TTC23: variants seen among roughly 807,000 people sequenced by gnomAD.
TTC23 encodes tetratricopeptide repeat protein 23.
In TTC23, 58 loss-of-function variants were observed where a neutral mutation model predicts 55.1. The observed-to-expected ratio is 1.05, with a 90% CI of 0.85 to 1.31. The LOEUF is 1.31. TTC23 is among the 50% of genes most tolerant of loss of function. The pLI is 0.00. For synonymous variants in TTC23, 203 were observed against 199.9 expected, an observed-to-expected ratio of 1.02 and a Z score of -0.13; for missense variants, 516 against 534.4, an observed-to-expected ratio of 0.97 and a Z score of 0.34.
At chr15:99,248,990 C>T (rs967526348) in intron 1 of TTC23, among the ~76,000 whole-genome samples, 181 bp downstream of exon 1, 1 of 151,966 alleles carries the variant, frequency 6.6e-6, no homozygotes, top group African/African-American at 2.4e-5. Flanking sequence ...TCTCCTATAT[C>T]TTTTAATAGA....
At chr15:99,172,679 C>T (rs1190078462) in intron 10 of TTC23, among the ~76,000 whole-genome samples, 2 of 152,134 alleles carry the variant, frequency 1.3e-5, no homozygotes, top group African/African-American at 2.4e-5. Context: ...CCTATCTCAT[C>T]GAGTTGCAAG....
Position 99,228,522 on chromosome 15 carries a change from A to G in TTC23, c.180+11T>C. 1 of 1,587,994 alleles carries G rather than the reference A, an allele frequency of 6.3e-7. No homozygotes were observed. The highest frequency in any genetic ancestry group is 8.6e-7 in the Non-Finnish European group (1 of 1,166,402). On this transcript the variant is annotated intron_variant, in intron 5 of 13. Coordinates refer to ENST00000394132, the MANE Select transcript of TTC23 (RefSeq NM_001288615.3). ...CTCAGAGTAGAAATACAGAAACAAA[A>G]GTCTCCTTACCTCATGACTGTTGGA...
intron 13 of TTC23, 101 bp from the exon 14 acceptor site, chr15:99,138,228 GAGA>G: frequency 6.9e-7 from 1 of 1,445,988 alleles, no homozygotes; most frequent in Non-Finnish European, 9.4e-7. Context: ...ACCCATTTAT[GAGA>G]AGACTTGGTA....
At chr15:99,215,866 G>A (rs1012282964) in intron 8 of TTC23, among the ~76,000 whole-genome samples, 1 of 152,040 alleles carries the variant, frequency 6.6e-6, no homozygotes, top group Non-Finnish European at 1.5e-5. Context: ...AGCAAGTAAG[G>A]AAAAAGAAAA....
intron 6 of TTC23, among the ~76,000 whole-genome samples, chr15:99,219,360 C>T (rs2077727928): frequency 6.6e-6 from 1 of 152,132 alleles, no homozygotes; most frequent in Non-Finnish European, 1.5e-5. Context: ...AAGAAACAAA[C>T]TGAATACAAG....
intron 10 of TTC23, among the ~76,000 whole-genome samples, chr15:99,164,054 A>T (rs1358235581): frequency 3.3e-5 from 5 of 152,240 alleles, no homozygotes; most frequent in Non-Finnish European, 4.4e-5. Flanking sequence ...GAATACCTGA[A>T]ATAAGCATAT....
intron 9 of TTC23, among the ~76,000 whole-genome samples, chr15:99,187,463 A>AAAAAG (rs1567429584): frequency 9.0e-6 from 1 of 111,580 alleles, no homozygotes; most frequent in Non-Finnish European, 2.2e-5. Flanking sequence ...AAAAAAAAAA[A>AAAAAG]AAAAACAAAA....
chr15:99,231,713 C>T (rs1034912280), intron 4 of TTC23, among the ~76,000 whole-genome samples: 1 of 152,028 alleles, frequency 6.6e-6, no homozygotes, highest in Non-Finnish European at 1.5e-5. Flanking sequence ...AGGATGGTCT[C>T]GATCTCCTGA....
intron 11 of TTC23, chr15:99,159,758 A>C (rs1475806005): frequency 6.6e-6 from 1 of 152,200 alleles, no homozygotes; most frequent in Non-Finnish European, 1.5e-5. Flanking sequence ...TTTACAAGTG[A>C]GTGTTCAGTG....
chr15:99,205,996 G>A (rs1313396138), intron 8 of TTC23, among the ~76,000 whole-genome samples: 1 of 152,012 alleles, frequency 6.6e-6, no homozygotes, highest in African/African-American at 2.4e-5. Context: ...AGTAAGTTAA[G>A]TAAGTTCCTT....
Position 99,138,067 on chromosome 15 carries a change from G to A in TTC23, c.1287C>T (p.Thr429=). 1.2e-6 allele frequency: 2 copies of A among 1,613,826 alleles called. No individual in the cohort carries two copies. Among genetic ancestry groups the A allele is most frequent in the Non-Finnish European group, 1.7e-6 (2 of 1,179,942 alleles). The change falls in exon 14 of 14, where the codon ACC becomes ACT. Residue 429 remains threonine, a synonymous_variant. Transcript: ENST00000394132. ...QASKAKVAFC[T]SIPQDTLLGK... ...CCAGCAGGGTGTCCTGAGGGATGCT[G>A]GTGCAGAAGGCCACTTTGGCTTTTG...
intron 11 of TTC23, among the ~76,000 whole-genome samples, chr15:99,161,354 T>A (rs920141637): frequency 6.6e-6 from 1 of 152,192 alleles, no homozygotes; most frequent in African/African-American, 2.4e-5. Context: ...ACAACTGAGC[T>A]GTAACTTCTG....
chr15:99,167,253 C>T (rs1380863436), intron 10 of TTC23, among the ~76,000 whole-genome samples: 1 of 152,206 alleles, frequency 6.6e-6, no homozygotes, highest in East Asian at 1.9e-4. Flanking sequence ...TGCCCTGAAA[C>T]AGGGTGTAGG....
chr15:99,217,038 AT>A (rs897310117), intron 8 of TTC23, among the ~76,000 whole-genome samples: 3 of 152,230 alleles, frequency 2.0e-5, no homozygotes, highest in Non-Finnish European at 4.4e-5. Flanking sequence ...TCTATAGAGC[AT>A]TATACAGGAA....
intron 9 of TTC23, among the ~76,000 whole-genome samples, chr15:99,195,867 TA>T (rs35219461): frequency 0.087 from 12,523 of 143,740 alleles, 700 homozygotes; most frequent in East Asian, 0.3. Flanking sequence ...CTAAAACTGC[TA>T]AAAAAAAAAA....
At chr15:99,157,584 T>C (rs1473244218) in intron 11 of TTC23, 2 of 152,210 alleles carry the variant, frequency 1.3e-5, no homozygotes, top group Admixed American at 6.5e-5. Flanking sequence ...AGTGAAAATA[T>C]AGCATTCCTG....
intron 10 of TTC23, among the ~76,000 whole-genome samples, chr15:99,168,904 T>C (rs975483009): frequency 1.3e-5 from 2 of 151,754 alleles, no homozygotes; most frequent in African/African-American, 2.4e-5. Context: ...GGGTCTGGAG[T>C]GTGGTAAGTG....
At chr15:99,237,435 A>G (rs932770748) in intron 3 of TTC23, among the ~76,000 whole-genome samples, 6 of 152,264 alleles carry the variant, frequency 3.9e-5, no homozygotes, top group African/African-American at 1.4e-4. Flanking sequence ...AAACTGTGGT[A>G]TAACTATACA....
At chr15:99,219,198 A>C (rs1370649819) in intron 6 of TTC23, 150 bp from the exon 7 acceptor site, 1 of 849,104 alleles carries the variant, frequency 1.2e-6, no homozygotes. Context: ...AAACACTGCC[A>C]TGACTGTAAC....
Sources: gnomAD v4.1 joint callset for allele counts (sites outside exome capture counted in the v4.1 genomes callset) on GRCh38, gnomAD v4.1.1 for gene constraint, MANE v1.5 for transcripts, NCBI Gene and HGNC (gene_info 2026-07-23, HGNC 2026-07-21) for gene names.